NTM: variants seen among roughly 807,000 people sequenced by gnomAD.
NTM encodes the protein neurotrimin.
A neutral mutation model predicts 42.1 loss-of-function variants in NTM; 13 were observed. That is an observed-to-expected ratio of 0.31 (90% CI 0.20 to 0.49). NTM has a LOEUF of 0.49. NTM is among the 20% of genes least tolerant of loss of function. The probability of loss-of-function intolerance (pLI) is 0.99; values close to 1 mark genes in which losing one functional copy is unlikely to be tolerated. For synonymous variants in NTM, 187 were observed against 179.2 expected (o/e 1.04, Z -0.35); for missense variants, 373 against 452.8 (o/e 0.82, Z 1.60).
At chr11:131,651,702 A>T (rs535161572) in intron 1 of NTM, among the ~76,000 whole-genome samples, 1 of 152,244 alleles carries the variant, frequency 6.6e-6, no homozygotes, top group South Asian at 2.1e-4. Context: ...TTAGCTGGGC[A>T]TGGTGGCCCA....
chr11:132,225,570 G>C (rs1403412628), intron 4 of NTM, among the ~76,000 whole-genome samples: 1 of 152,224 alleles, frequency 6.6e-6, no homozygotes, highest in Non-Finnish European at 1.5e-5. Flanking sequence ...GCTGTGATGA[G>C]AGCCCCTATA....
intron 1 of NTM, among the ~76,000 whole-genome samples, chr11:131,853,898 G>C (rs1446154002): frequency 6.6e-6 from 1 of 152,162 alleles, no homozygotes; most frequent in African/African-American, 2.4e-5. Context: ...AACCTTGCCA[G>C]CATCTGCTGT....
intron 1 of NTM, among the ~76,000 whole-genome samples, chr11:131,607,840 C>T (rs1362745656): frequency 1.3e-5 from 2 of 151,900 alleles, no homozygotes. Context: ...TTCTGTATTG[C>T]CAAACCTTGT....
chr11:132,285,876 C>T (rs963748783), intron 4 of NTM, among the ~76,000 whole-genome samples: 4 of 152,212 alleles, frequency 2.6e-5, no homozygotes, highest in African/African-American at 9.6e-5. Flanking sequence ...AGTCCAGCCT[C>T]TTGTAGATGG....
intron 1 of NTM, among the ~76,000 whole-genome samples, chr11:131,575,529 C>G (rs766445350): frequency 3.3e-5 from 5 of 152,166 alleles, no homozygotes; most frequent in Admixed American, 3.3e-4. Flanking sequence ...AACTGAGGAG[C>G]ATAGTTAATG....
intron 1 of NTM, among the ~76,000 whole-genome samples, chr11:131,520,581 T>C (rs1300123171): frequency 1.3e-5 from 2 of 152,182 alleles, no homozygotes; most frequent in South Asian, 2.1e-4. Flanking sequence ...TCTTAGAAAC[T>C]TGGGGAGCAG....
intron 1 of NTM, among the ~76,000 whole-genome samples, chr11:131,637,250 G>C (rs147328483): frequency 6.6e-6 from 1 of 151,854 alleles, no homozygotes; most frequent in Non-Finnish European, 1.5e-5. Flanking sequence ...CCCTGAGCTC[G>C]TCTTCTCCTT....
intron 2 of NTM, among the ~76,000 whole-genome samples, chr11:132,056,836 C>A (rs773770907): frequency 6.6e-6 from 1 of 152,172 alleles, no homozygotes; most frequent in African/African-American, 2.4e-5. Flanking sequence ...GTCCACAAAT[C>A]CCCCAGTGCA....
intron 1 of NTM, among the ~76,000 whole-genome samples, chr11:131,435,300 A>G (rs1375366933): frequency 6.6e-6 from 1 of 152,200 alleles, no homozygotes; most frequent in Non-Finnish European, 1.5e-5. Flanking sequence ...TATGAACCTT[A>G]AAGTAGTTTT....
intron 4 of NTM, among the ~76,000 whole-genome samples, chr11:132,262,896 T>G (rs1040229850): frequency 1.3e-5 from 2 of 152,208 alleles, no homozygotes; most frequent in Admixed American, 1.3e-4. Context: ...CAAAATTTCT[T>G]TGCAGCTGTG....
intron 2 of NTM, among the ~76,000 whole-genome samples, chr11:132,078,180 T>A (rs754070562): frequency 6.6e-6 from 1 of 152,194 alleles, no homozygotes; most frequent in Non-Finnish European, 1.5e-5. Context: ...CCCAGTAAAG[T>A]CAGTTTAATC....
intron 4 of NTM, among the ~76,000 whole-genome samples, chr11:132,264,218 T>C (rs1430872919): frequency 6.6e-6 from 1 of 152,230 alleles, no homozygotes; most frequent in East Asian, 1.9e-4. Context: ...TGCACCTATT[T>C]CAATTTTCAT....
chr11:132,076,885 C>T (rs2058436736), intron 2 of NTM, among the ~76,000 whole-genome samples: 1 of 152,110 alleles, frequency 6.6e-6, no homozygotes, highest in African/African-American at 2.4e-5. Context: ...ATTTTTATTA[C>T]CCATCTCTTT....
At chr11:132,172,323 C>A (rs4936157) in intron 3 of NTM, among the ~76,000 whole-genome samples, 18,716 of 152,160 alleles carry the variant, frequency 0.12, 1,449 homozygotes, top group East Asian at 0.25. Context: ...CAACGATGGT[C>A]TGCTTGAACC....
intron 4 of NTM, among the ~76,000 whole-genome samples, chr11:132,214,689 G>C (rs988340518): frequency 2.0e-5 from 3 of 152,110 alleles, no homozygotes; most frequent in Non-Finnish European, 2.9e-5. Flanking sequence ...GTGTGTTAGA[G>C]TCTTTTGTTT....
chr11:132,250,527 C>G (rs1056650090), intron 4 of NTM, among the ~76,000 whole-genome samples: 1 of 151,538 alleles, frequency 6.6e-6, no homozygotes, highest in South Asian at 2.1e-4. Context: ...TAGACAAGAC[C>G]CCTCCCTCTG....
At chr11:132,092,891 A>C (rs1244310995) in intron 2 of NTM, among the ~76,000 whole-genome samples, 1 of 152,086 alleles carries the variant, frequency 6.6e-6, no homozygotes, top group Admixed American at 6.5e-5. Context: ...TTCCATCCCC[A>C]TCACTCCTTG....
intron 4 of NTM, among the ~76,000 whole-genome samples, chr11:132,251,972 AC>A (rs2091984958): frequency 6.6e-6 from 1 of 152,140 alleles, no homozygotes; most frequent in Admixed American, 6.5e-5. Flanking sequence ...GGCTTGCCTC[AC>A]CCTGCCTTTC....
At chr11:131,490,835 A>C (rs943020220) in intron 1 of NTM, among the ~76,000 whole-genome samples, 1 of 152,246 alleles carries the variant, frequency 6.6e-6, no homozygotes, top group African/African-American at 2.4e-5. Context: ...ACCTGAGAGA[A>C]ATTTGAGTTG....
Sources: gnomAD v4.1 joint callset for allele counts (sites outside exome capture counted in the v4.1 genomes callset) on GRCh38, gnomAD v4.1.1 for gene constraint, MANE v1.5 for transcripts, NCBI Gene and HGNC (gene_info 2026-07-23, HGNC 2026-07-21) for gene names.